The following NUDCD1 variants were observed in gnomAD, a reference collection of about 807,000 sequenced individuals.
NUDCD1 encodes the protein nudC domain-containing protein 1.
In NUDCD1, 60 loss-of-function variants were observed where a neutral mutation model predicts 67.8. The ratio of observed to expected loss-of-function variants is 0.88; its 90% CI spans 0.72 to 1.10. The LOEUF (loss-of-function observed/expected upper bound fraction) is 1.10, where lower values mean the gene tolerates loss of function less well. Ranked by LOEUF, NUDCD1 falls within the 50% of genes least tolerant of loss-of-function variation. The pLI is 0.00. For missense variants in NUDCD1, 643 were observed against 695.0 expected (o/e 0.93, Z 0.84); for synonymous variants, 244 against 230.8 (o/e 1.06, Z -0.52).
chr8:109,253,938 G>C (rs1813674640), intron 8 of NUDCD1, among the ~76,000 whole-genome samples: 1 of 152,040 alleles, frequency 6.6e-6, no homozygotes, highest in Non-Finnish European at 1.5e-5. Context: ...ATCTAGCATG[G>C]GCCATTACCT....
At chr8:109,257,333 C>G (rs1013256260) in intron 8 of NUDCD1, among the ~76,000 whole-genome samples, 10 of 151,920 alleles carry the variant, frequency 6.6e-5, no homozygotes, top group Non-Finnish European at 1.0e-4. Flanking sequence ...CTACATAATA[C>G]ACAAAATAAA....
Position 109,281,081 on chromosome 8 carries a change from CTG to C in NUDCD1, c.913_914del (p.Gln305ValfsTer4). On this transcript the variant is annotated frameshift_variant, in exon 6 of 10. Transcript: ENST00000239690. LOFTEE classifies it high-confidence loss of function. The stretch of plus-strand genomic sequence containing the variant: ...CAATGTTGATGTGATCAGGCAAAAA[CTG>C]TATTTGAATGTCCTCCTTAGTACTG... ...EDSTKEDIQI[Q>X]FLPDHINIVL... is the part of the protein sequence containing the mutation. 6.2e-7 allele frequency: 1 copy of C among 1,613,148 alleles called. No individual in the cohort carries two copies. Among genetic ancestry groups the C allele is most frequent in the Non-Finnish European group, 8.5e-7 (1 of 1,179,262 alleles).
Position 109,242,091 on chromosome 8 carries a change from A to G in NUDCD1, c.*918T>C. The stretch of plus-strand genomic sequence containing the variant: ...CTTGTGTGGTAAGATTGTTCCATCA[A>G]TGGCCCCCAATGAGTCATACCATCC... On this transcript the variant is annotated 3_prime_UTR_variant, in exon 10 of 10. Transcript: ENST00000239690. The G allele has an allele frequency of 2.5e-6, 1 of 398,152 alleles. No individual in the cohort carries two copies. The highest frequency in any genetic ancestry group is 4.4e-6 in the Non-Finnish European group (1 of 225,748). The allele number at this position is 398,152 out of a possible 1,614,324, so 24.7% of individuals were successfully genotyped here. A position where few individuals can be genotyped will look rare whatever the true frequency, so the allele number is the denominator to read the frequency against.
intron 2 of NUDCD1, among the ~76,000 whole-genome samples, chr8:109,321,427 C>T (rs980938877): frequency 2.6e-5 from 4 of 152,032 alleles, no homozygotes; most frequent in Non-Finnish European, 4.4e-5. Flanking sequence ...AACACTATAA[C>T]CTCTGTATCA....
chr8:109,328,423 G>C (rs1172565514), intron 1 of NUDCD1, among the ~76,000 whole-genome samples: 1 of 152,144 alleles, frequency 6.6e-6, no homozygotes, highest in African/African-American at 2.4e-5. Flanking sequence ...GAGTAGCAGA[G>C]AAAAGAGAGA....
intron 8 of NUDCD1, among the ~76,000 whole-genome samples, chr8:109,256,672 T>C (rs184675797): frequency 9.2e-5 from 14 of 152,240 alleles, no homozygotes; most frequent in Non-Finnish European, 1.6e-4. Flanking sequence ...AAGATAACTT[T>C]AGATTACAGA....
intron 8 of NUDCD1, among the ~76,000 whole-genome samples, chr8:109,252,092 T>C (rs1299700661): frequency 6.6e-6 from 1 of 152,088 alleles, no homozygotes. Context: ...CACCTCAGAG[T>C]CTATGCTCTT....
intron 8 of NUDCD1, among the ~76,000 whole-genome samples, chr8:109,256,347 A>G (rs1813737275): frequency 6.6e-6 from 1 of 152,170 alleles, no homozygotes; most frequent in Non-Finnish European, 1.5e-5. Flanking sequence ...AGGATTTTCT[A>G]TTTTATTTCA....
At chr8:109,284,992 A>G (rs547737200) in intron 5 of NUDCD1, among the ~76,000 whole-genome samples, 1 of 112,974 alleles carries the variant, frequency 8.9e-6, no homozygotes, top group East Asian at 2.3e-4. Flanking sequence ...ATTACAACCA[A>G]TTCCACAGAA....
At chr8:109,296,256 A>C in intron 3 of NUDCD1, 128 bp downstream of exon 3, 1 of 762,620 alleles carries the variant, frequency 1.3e-6, no homozygotes, top group Non-Finnish European at 2.2e-6. Context: ...AAGAGATCCA[A>C]AACATTATAT....
Position 109,243,027 on chromosome 8 carries a change from T to C in NUDCD1, c.1734A>G (p.Lys578=). 6.3e-7 allele frequency: 1 copy of C among 1,585,528 alleles called. No individual in the cohort carries two copies. Residue 578 remains lysine, a synonymous_variant, in exon 10 of 10, where the codon AAA becomes AAG. Transcript: ENST00000239690. ...VLTTKNLFLI[K]VNTEN is the part of the protein sequence containing the mutation. Reference sequence around the variant, plus strand: ...AGAATAATTAATTCTCTGTATTTACTTTTATTAAAAAGAGGTTTTTGGTAG... The same window carrying C: ...AGAATAATTAATTCTCTGTATTTACCTTTATTAAAAAGAGGTTTTTGGTAG...
chr8:109,289,930 T>TTATC lies in NUDCD1; in HGVS notation c.641-1_643dup (p.Asn215ArgfsTer2). ...ACGCTTAATAATTTCATATTTTTTATTATCTGTAAGAAAAGTATTTCAGAA... is the reference window on the plus strand; with the variant it reads ...ACGCTTAATAATTTCATATTTTTTATTATCTATCTGTAAGAAAAGTATTTCAGAA... On this transcript the variant is annotated stop_gained and frameshift_variant, in exon 5 of 10. Transcript: ENST00000239690. LOFTEE classifies it high-confidence loss of function. The TTATC allele has an allele frequency of 6.9e-7, 1 of 1,443,516 alleles. No individual in the cohort carries two copies. The highest frequency in any genetic ancestry group is 1.8e-4 in the Middle Eastern group (1 of 5,680). 89.4% of individuals were successfully genotyped at this position (1,443,516 alleles called of 1,614,324 possible).
Position 109,245,581 on chromosome 8 carries a change from GTTTTATACT to G in NUDCD1, c.1300-109_1300-101del, listed in dbSNP as rs1563656507. 4 of 840,084 alleles carry G rather than the reference GTTTTATACT, an allele frequency of 4.8e-6. No homozygotes were observed. The East Asian group carries it at 1.1e-4, about 22-fold the overall frequency. 52.0% of individuals were successfully genotyped at this position (840,084 alleles called of 1,614,324 possible). A position where few individuals can be genotyped will look rare whatever the true frequency, so the allele number is the denominator to read the frequency against. ...CAGCCAGCATTAAGTGTCAGCAACT[GTTTTATACT>G]TTTTATATACTTAATCTGATTGACT... On this transcript the variant is annotated intron_variant, in intron 8 of 9. Coordinates refer to ENST00000239690, the MANE Select transcript of NUDCD1 (RefSeq NM_032869.4).
intron 2 of NUDCD1, among the ~76,000 whole-genome samples, chr8:109,310,608 G>A (rs1270753963): frequency 6.6e-6 from 1 of 152,164 alleles, no homozygotes; most frequent in Non-Finnish European, 1.5e-5. Flanking sequence ...TAAAAACAAA[G>A]ATAAACAGCT....
chr8:109,260,398 G>A (rs895326085), intron 8 of NUDCD1, among the ~76,000 whole-genome samples: 5 of 152,092 alleles, frequency 3.3e-5, no homozygotes, highest in Admixed American at 2.6e-4. Context: ...GTGGAGTCTC[G>A]CTATGTTGCC....
chr8:109,276,659 C>A (rs1375213719), intron 6 of NUDCD1, among the ~76,000 whole-genome samples: 3 of 152,064 alleles, frequency 2.0e-5, no homozygotes, highest in Non-Finnish European at 4.4e-5. Context: ...GATTTAGTTA[C>A]ATCTTTTCTT....
intron 8 of NUDCD1, among the ~76,000 whole-genome samples, chr8:109,264,087 C>T (rs1461807971): frequency 1.3e-5 from 2 of 152,310 alleles, no homozygotes; most frequent in Non-Finnish European, 2.9e-5. Flanking sequence ...AGCACTTCTG[C>T]TGCATACTAA....
chr8:109,310,253 T>C (rs935278204), intron 2 of NUDCD1, among the ~76,000 whole-genome samples: 19 of 152,092 alleles, frequency 1.2e-4, no homozygotes, highest in African/African-American at 4.6e-4. Context: ...ACAGCATGGT[T>C]ACTGGTATAA....
At chr8:109,271,797 G>T (rs1814163270) in intron 7 of NUDCD1, among the ~76,000 whole-genome samples, 1 of 151,974 alleles carries the variant, frequency 6.6e-6, no homozygotes, top group African/African-American at 2.4e-5. Flanking sequence ...AGGAGGAAAA[G>T]ATACATTATT....
Sources: gnomAD v4.1 joint callset for allele counts (sites outside exome capture counted in the v4.1 genomes callset) on GRCh38, gnomAD v4.1.1 for gene constraint, MANE v1.5 for transcripts, NCBI Gene and HGNC (gene_info 2026-07-23, HGNC 2026-07-21) for gene names.